Variants in CDK14 observed in about 807,000 individuals in gnomAD.
CDK14 encodes cyclin-dependent kinase 14.
Under a neutral mutation model 60.7 loss-of-function variants are expected in CDK14, and 34 were observed. The ratio of observed to expected loss-of-function variants is 0.56; its 90% CI spans 0.43 to 0.75. CDK14 has a LOEUF of 0.75. Among genes scored for constraint, CDK14 ranks in the 30% least tolerant of loss-of-function variants. The pLI is 0.00. For synonymous variants in CDK14, 197 were observed against 203.7 expected (o/e 0.97, Z 0.28); for missense variants, 482 against 564.1 (o/e 0.85, Z 1.47).
chr7:91,058,287 C>T lies in CDK14; in HGVS notation c.1105+12327C>T, dbSNP rs1410348522. Among the ~76,000 whole-genome samples the T allele has an allele frequency of 2.0e-5, 3 of 152,070 alleles. No homozygotes were observed. In the East Asian group the frequency reaches 5.8e-4, roughly 29 times the overall value. On this transcript the variant is annotated intron_variant, in intron 11 of 14. Transcript: ENST00000380050. ...CTGAGACTTTGCTGAAGTTGCTTAT[C>T]AGCTTAAGGAGATTTTGGGCTGAGA...
chr7:90,806,904 G>A (rs1269926638), intron 5 of CDK14, among the ~76,000 whole-genome samples: 1 of 152,224 alleles, frequency 6.6e-6, no homozygotes, highest in Non-Finnish European at 1.5e-5. Flanking sequence ...CTGCAAGGTA[G>A]CAGCGAGGCT....
At chr7:90,864,317 G>A (rs1338668246) in intron 6 of CDK14, among the ~76,000 whole-genome samples, 2 of 152,214 alleles carry the variant, frequency 1.3e-5, no homozygotes, top group East Asian at 1.9e-4. Context: ...CATATATTAT[G>A]TGGTACCAAG....
At chr7:91,016,913 A>C (rs1647610770) in intron 10 of CDK14, among the ~76,000 whole-genome samples, 1 of 152,216 alleles carries the variant, frequency 6.6e-6, no homozygotes, top group Admixed American at 6.5e-5. Context: ...AAAGCCTCCC[A>C]AAAACTTCAT....
chr7:90,844,243 A>G (rs753351081), intron 5 of CDK14, among the ~76,000 whole-genome samples: 1 of 152,198 alleles, frequency 6.6e-6, no homozygotes, highest in East Asian at 1.9e-4. Flanking sequence ...GAATTAGGAG[A>G]GGTAAATTCT....
intron 2 of CDK14, among the ~76,000 whole-genome samples, chr7:90,637,210 G>C (rs1315270357): frequency 0.011 from 1,704 of 150,108 alleles, 43 homozygotes; most frequent in African/African-American, 0.038. Flanking sequence ...TTTTCTAGTT[G>C]TTTTAATTGT....
chr7:90,827,323 T>A (rs1470077544), intron 5 of CDK14, among the ~76,000 whole-genome samples: 2 of 152,252 alleles, frequency 1.3e-5, no homozygotes, highest in African/African-American at 2.4e-5. Flanking sequence ...ATTGTATGGA[T>A]GTACCACAGT....
chr7:90,964,182 CTG>C (rs1304945355), intron 9 of CDK14, among the ~76,000 whole-genome samples: 3 of 152,118 alleles, frequency 2.0e-5, no homozygotes, highest in African/African-American at 7.2e-5. Flanking sequence ...TTGTGCAAGG[CTG>C]TGTTTTTTGC....
intron 14 of CDK14, among the ~76,000 whole-genome samples, chr7:91,176,381 A>G (rs1274321225): frequency 6.6e-6 from 1 of 152,184 alleles, no homozygotes; most frequent in Admixed American, 6.5e-5. Flanking sequence ...TTGACACCCT[A>G]ACATCACAAT....
intron 2 of CDK14, among the ~76,000 whole-genome samples, chr7:90,667,241 A>T (rs1366302005): frequency 6.6e-6 from 1 of 152,212 alleles, no homozygotes; most frequent in Non-Finnish European, 1.5e-5. Context: ...CTACCAAATT[A>T]TAGCAATTCC....
rs926532682 is a variant in CDK14 at position 90,857,926 on chromosome 7, C to G, written c.545-5249C>G. On this transcript the variant is annotated intron_variant, in intron 5 of 14. Transcript: ENST00000380050. ...TAGGCTGTTTTCTGTCCATTAATGC[C>G]ATTTTTCTGCCATCAGCTTTGAAAT... Among the ~76,000 whole-genome samples, 9 of 152,260 alleles carry G rather than the reference C, an allele frequency of 5.9e-5. No homozygotes were observed. In the East Asian group the frequency reaches 1.7e-3, roughly 29 times the overall value.
intron 6 of CDK14, among the ~76,000 whole-genome samples, chr7:90,898,902 T>C (rs75537102): frequency 4.6e-5 from 7 of 152,072 alleles, no homozygotes; most frequent in African/African-American, 1.4e-4. Flanking sequence ...TCATATAAAA[T>C]AAATATTTTT....
intron 5 of CDK14, among the ~76,000 whole-genome samples, chr7:90,803,697 G>T (rs1372431867): frequency 6.6e-6 from 1 of 152,162 alleles, no homozygotes; most frequent in Non-Finnish European, 1.5e-5. Context: ...ACAGGTGTTT[G>T]TTGTATCTAA....
chr7:90,604,554 C>T (rs1471306709), intron 2 of CDK14, among the ~76,000 whole-genome samples: 1 of 152,174 alleles, frequency 6.6e-6, no homozygotes, highest in Non-Finnish European at 1.5e-5. Context: ...GATGTACGTG[C>T]TTAAGGCAAG....
chr7:91,085,967 T>C (rs1798626812), intron 12 of CDK14, among the ~76,000 whole-genome samples: 1 of 152,188 alleles, frequency 6.6e-6, no homozygotes, highest in Non-Finnish European at 1.5e-5. Context: ...ATGTGACTAC[T>C]GTGATTTAGG....
In CDK14 at chr7:90,917,599, A is replaced by G. The variant is rs745349146; in HGVS notation, c.703-2A>G. 1 of 1,611,312 alleles carries G rather than the reference A, an allele frequency of 6.2e-7. No individual in the cohort carries two copies. Among genetic ancestry groups the G allele is most frequent in the Non-Finnish European group, 8.5e-7 (1 of 1,178,114 alleles). On this transcript the variant is annotated splice_acceptor_variant, in intron 7 of 14. Coordinates refer to ENST00000380050, the MANE Select transcript of CDK14 (RefSeq NM_001287135.2). LOFTEE classifies it high-confidence loss of function. ...TTTAACCTTTGTCTCCTTATTTTTC[A>G]GTTGTTTTTATTTCAGTTGCTGCGA... is the stretch of plus-strand genomic sequence containing the variant.
At chr7:90,825,231 A>G (rs1439362539) in intron 5 of CDK14, among the ~76,000 whole-genome samples, 1 of 152,200 alleles carries the variant, frequency 6.6e-6, no homozygotes. Flanking sequence ...TGAGTCACCT[A>G]CTGCAGGGCA....
intron 5 of CDK14, among the ~76,000 whole-genome samples, chr7:90,845,244 C>T (rs1790429384): frequency 1.3e-5 from 2 of 152,108 alleles, no homozygotes; most frequent in African/African-American, 2.4e-5. Context: ...GCGAGTATTG[C>T]ATTGCATATA....
chr7:90,708,861 A>G (rs2116636094), intron 2 of CDK14, among the ~76,000 whole-genome samples: 1 of 152,148 alleles, frequency 6.6e-6, no homozygotes, highest in South Asian at 2.1e-4. Flanking sequence ...TCTTAATCTA[A>G]TTTATGTCCT....
intron 11 of CDK14, among the ~76,000 whole-genome samples, chr7:91,047,035 A>T (rs1054454508): frequency 1.3e-5 from 2 of 152,132 alleles, no homozygotes; most frequent in Non-Finnish European, 2.9e-5. Context: ...ATTCTAAATA[A>T]CTTCTATGTT....
Sources: gnomAD v4.1 joint callset for allele counts (sites outside exome capture counted in the v4.1 genomes callset) on GRCh38, gnomAD v4.1.1 for gene constraint, MANE v1.5 for transcripts, NCBI Gene and HGNC (gene_info 2026-07-23, HGNC 2026-07-21) for gene names.